Variants in CDK14 observed in about 807,000 individuals in gnomAD.
CDK14 encodes cyclin dependent kinase 14.
A neutral mutation model predicts 60.7 loss-of-function variants in CDK14; 34 were observed. The observed-to-expected ratio is 0.56, with a 90% CI of 0.43 to 0.75. CDK14 has a LOEUF of 0.75. Ranked by LOEUF, CDK14 falls within the 30% of genes least tolerant of loss-of-function variation. The pLI is 0.00. For missense variants in CDK14, 482 were observed against 564.1 expected (o/e 0.85, Z 1.47); for synonymous variants, 197 against 203.7 (o/e 0.97, Z 0.28).
intron 5 of CDK14, among the ~76,000 whole-genome samples, chr7:90,842,410 G>A (rs1431364861): frequency 6.6e-6 from 1 of 152,154 alleles, no homozygotes; most frequent in African/African-American, 2.4e-5. Context: ...GTGAAAGAAG[G>A]CAGTGAGAAT....
Position 90,747,683 on chromosome 7 carries a change from A to G in CDK14, c.372A>G (p.Pro124=), listed in dbSNP as rs762803944. 3.8e-6 allele frequency: 6 copies of G among 1,587,332 alleles called. No individual in the cohort carries two copies. The highest frequency in any genetic ancestry group is 5.1e-6 in the Non-Finnish European group (6 of 1,167,584). ...KVRRHSSPSS[P]TSPKFGKADS... ...TTTACCCTGTGCTTCATTTTTAGCC[A>G]ACAAGTCCCAAATTTGGAAAAGCTG... The change falls in exon 4 of 15, where the codon CCA becomes CCG. Residue 124 remains proline, a splice_region_variant and synonymous_variant. Transcript: ENST00000380050.
chr7:90,956,033 AG>A (rs1794399533), intron 9 of CDK14, among the ~76,000 whole-genome samples: 1 of 152,178 alleles, frequency 6.6e-6, no homozygotes, highest in Non-Finnish European at 1.5e-5. Flanking sequence ...CTTGATGGAC[AG>A]GGGCAGAGAC....
intron 4 of CDK14, among the ~76,000 whole-genome samples, chr7:90,766,037 A>G (rs1201190577): frequency 2.6e-5 from 4 of 152,198 alleles, no homozygotes; most frequent in Non-Finnish European, 5.9e-5. Flanking sequence ...TTTAGGATCT[A>G]GACGTATAAG....
At position 91,209,934 on chromosome 7, in the gene CDK14, G is replaced by T. The variant is rs1459471595; in HGVS notation, c.*2798G>T. ...CTTGCAAAGAAAGTGAGGCCTCTTG[G>T]TATCCTTTCCTCAGTGTGTATATGA... is the stretch of plus-strand genomic sequence containing the variant. On this transcript the variant is annotated 3_prime_UTR_variant, in exon 15 of 15. Transcript: ENST00000380050. 6.6e-6 allele frequency: 1 copy of T among 152,516 alleles called. No individual in the cohort carries two copies. Among genetic ancestry groups the T allele is most frequent in the African/African-American group, 2.4e-5 (1 of 41,402 alleles). The allele number at this position is 152,516 out of a possible 1,614,324, so 9.4% of individuals were successfully genotyped here.
intron 2 of CDK14, among the ~76,000 whole-genome samples, chr7:90,615,129 GA>G (rs148295666): frequency 0.043 from 6,457 of 151,884 alleles, 174 homozygotes; most frequent in Non-Finnish European, 0.065. Flanking sequence ...GGAATGTGTT[GA>G]AAAAAAATTT....
intron 12 of CDK14, among the ~76,000 whole-genome samples, chr7:91,089,865 AT>A (rs2116265063): frequency 6.6e-6 from 1 of 152,218 alleles, no homozygotes; most frequent in African/African-American, 2.4e-5. Flanking sequence ...TACAAATGGA[AT>A]TTTTTTCATT....
chr7:91,194,184 A>G (rs1802460193), intron 14 of CDK14, among the ~76,000 whole-genome samples: 1 of 152,240 alleles, frequency 6.6e-6, no homozygotes, highest in African/African-American at 2.4e-5. Flanking sequence ...ATTTAGCTAT[A>G]TCATGTAAAT....
At chr7:90,598,704 ATT>A (rs796093975) in intron 1 of CDK14, among the ~76,000 whole-genome samples, 5 of 87,904 alleles carry the variant, frequency 5.7e-5, no homozygotes, top group Admixed American at 1.3e-4. Context: ...TTATCTAAGG[ATT>A]TTTTTTTTTT....
intron 2 of CDK14, among the ~76,000 whole-genome samples, chr7:90,637,178 T>C (rs1251093195): frequency 6.6e-6 from 1 of 151,832 alleles, no homozygotes; most frequent in Non-Finnish European, 1.5e-5. Context: ...TTCTGCTAGC[T>C]TTTGAATGTG....
At chr7:91,117,259 C>T (rs760318132) in intron 13 of CDK14, among the ~76,000 whole-genome samples, 7 of 151,246 alleles carry the variant, frequency 4.6e-5, no homozygotes, top group East Asian at 1.9e-4. Flanking sequence ...TTCCACAGAC[C>T]GTATTGTTGC....
At chr7:90,768,822 T>G (rs1220020931) in intron 4 of CDK14, among the ~76,000 whole-genome samples, 2 of 152,184 alleles carry the variant, frequency 1.3e-5, no homozygotes, top group Non-Finnish European at 2.9e-5. Context: ...CTTTAAAAAT[T>G]TGTGTATTTG....
intron 1 of CDK14, chr7:90,597,078 C>T (rs112235942): frequency 1.6e-5 from 4 of 249,442 alleles, no homozygotes; most frequent in South Asian, 6.3e-5. Flanking sequence ...TTATTTTTTG[C>T]GCACAGGCTT....
intron 6 of CDK14, among the ~76,000 whole-genome samples, chr7:90,872,673 A>C (rs570453950): frequency 7.0e-6 from 1 of 141,970 alleles, no homozygotes; most frequent in Non-Finnish European, 1.5e-5. Flanking sequence ...TCCTGTTTAC[A>C]TCATATCTAT....
chr7:91,091,521 T>G (rs1289427182), intron 12 of CDK14, among the ~76,000 whole-genome samples: 1 of 49,354 alleles, frequency 2.0e-5, no homozygotes, highest in Admixed American at 1.9e-4. Flanking sequence ...ATATATAAAT[T>G]AGCCAGGCAT....
chr7:90,810,402 C>T (rs980567272), intron 5 of CDK14, among the ~76,000 whole-genome samples: 1 of 152,164 alleles, frequency 6.6e-6, no homozygotes, highest in Non-Finnish European at 1.5e-5. Context: ...GTGGAAAAGA[C>T]CTTTGACAAA....
At chr7:90,637,088 T>G (rs1029589032) in intron 2 of CDK14, among the ~76,000 whole-genome samples, 5 of 152,162 alleles carry the variant, frequency 3.3e-5, no homozygotes, top group Non-Finnish European at 7.4e-5. Context: ...AAAACCAGCT[T>G]CTGGATTCAT....
intron 2 of CDK14, among the ~76,000 whole-genome samples, chr7:90,719,899 T>C (rs2116682632): frequency 6.6e-6 from 1 of 152,302 alleles, no homozygotes; most frequent in South Asian, 2.1e-4. Flanking sequence ...ATTTCTGTCT[T>C]GTTTTCACAC....
chr7:90,956,845 A>G (rs1197258651), intron 9 of CDK14, among the ~76,000 whole-genome samples: 7 of 146,382 alleles, frequency 4.8e-5, no homozygotes, highest in Non-Finnish European at 1.0e-4. Flanking sequence ...ATTCCCACCT[A>G]TGAGTGAGAA....
At chr7:90,817,332 G>A (rs939881294) in intron 5 of CDK14, among the ~76,000 whole-genome samples, 10 of 151,980 alleles carry the variant, frequency 6.6e-5, no homozygotes, top group African/African-American at 1.4e-4. Context: ...ATTGATAATC[G>A]TACTTTTAAA....
Sources: gnomAD v4.1 joint callset for allele counts (sites outside exome capture counted in the v4.1 genomes callset) on GRCh38, gnomAD v4.1.1 for gene constraint, MANE v1.5 for transcripts, NCBI Gene and HGNC (gene_info 2026-07-23, HGNC 2026-07-21) for gene names.